Variants in KIF15 observed in about 807,000 individuals in gnomAD.
KIF15 encodes the protein kinesin family member 15.
KIF15 carries 140 observed loss-of-function variants against 190.6 expected under a neutral mutation model. The observed-to-expected ratio is 0.73, with a 90% CI of 0.64 to 0.84. The LOEUF is 0.84. Ranked by LOEUF, KIF15 falls within the 40% of genes least tolerant of loss-of-function variation. The pLI, the probability that KIF15 is intolerant of heterozygous loss-of-function variation, is 0.00. For synonymous variants in KIF15, 528 were observed against 551.3 expected (o/e 0.96, Z 0.59); for missense variants, 1,372 against 1,584.4 (o/e 0.87, Z 2.28).
intron 26 of KIF15, among the ~76,000 whole-genome samples, chr3:44,835,937 G>A (rs1483992980): frequency 6.6e-6 from 1 of 152,204 alleles, no homozygotes; most frequent in African/African-American, 2.4e-5. Flanking sequence ...AGCCAGGCAT[G>A]GTAATGCACG....
downstream of KIF15, among the ~76,000 whole-genome samples, chr3:44,856,099 G>C (rs559922105): frequency 6.6e-6 from 1 of 151,804 alleles, no homozygotes; most frequent in South Asian, 2.1e-4. Flanking sequence ...ACTGTATAGA[G>C]GTGGGAAGCC....
At chr3:44,770,086 G>C (rs1705577659) in intron 1 of KIF15, among the ~76,000 whole-genome samples, 1 of 152,152 alleles carries the variant, frequency 6.6e-6, no homozygotes, top group Non-Finnish European at 1.5e-5. Context: ...TGGATCACAG[G>C]CATAAGCAGG....
At chr3:44,778,730 G>C (rs1706015178) in intron 4 of KIF15, among the ~76,000 whole-genome samples, 1 of 152,006 alleles carries the variant, frequency 6.6e-6, no homozygotes, top group South Asian at 2.1e-4. Context: ...TGTAATCCTA[G>C]CACTTTGGGA....
chr3:44,779,284 C>A (rs1445936802), intron 4 of KIF15, among the ~76,000 whole-genome samples: 2 of 152,154 alleles, frequency 1.3e-5, no homozygotes, highest in Admixed American at 1.3e-4. Context: ...CGCCTAGAAT[C>A]AGCCATTTCA....
chr3:44,829,374 A>ATGTGTG (rs547572565), intron 24 of KIF15, among the ~76,000 whole-genome samples: 20 of 136,846 alleles, frequency 1.5e-4, no homozygotes, highest in Admixed American at 6.4e-4. Flanking sequence ...ATATATATAT[A>ATGTGTG]TGTGTGTGTG....
chr3:44,765,949 C>A (rs966058006), intron 1 of KIF15: 5 of 157,276 alleles, frequency 3.2e-5, no homozygotes, highest in African/African-American at 4.8e-5. Flanking sequence ...TCTCCTGCCT[C>A]AGCCTCCCAA....
At chr3:44,767,020 C>T (rs1705416756) in intron 1 of KIF15, among the ~76,000 whole-genome samples, 3 of 152,022 alleles carry the variant, frequency 2.0e-5, no homozygotes, top group African/African-American at 7.3e-5. Flanking sequence ...CCGTGTTAGC[C>T]AGGGTGGTCT....
chr3:44,833,866 G>T (rs554527704), intron 26 of KIF15, among the ~76,000 whole-genome samples: 1 of 152,320 alleles, frequency 6.6e-6, no homozygotes, highest in South Asian at 2.1e-4. Context: ...TTAGTACACA[G>T]AAGCCACAAC....
intron 26 of KIF15, among the ~76,000 whole-genome samples, chr3:44,836,819 T>C (rs1162409728): frequency 1.3e-5 from 2 of 152,206 alleles, no homozygotes; most frequent in Non-Finnish European, 2.9e-5. Flanking sequence ...TCCTTCTCCC[T>C]GACTGACTAA....
At chr3:44,847,268 A>G (rs1698889428) in intron 30 of KIF15, among the ~76,000 whole-genome samples, 2 of 152,208 alleles carry the variant, frequency 1.3e-5, no homozygotes, top group Admixed American at 6.5e-5. Context: ...AGAGAAGCCT[A>G]CAACATTCAG....
At position 44,778,150 on chromosome 3, in the gene KIF15, GGA is replaced by G; in HGVS notation, c.284_285del (p.Glu95ValfsTer7). 6.2e-7 allele frequency: 1 copy of G among 1,614,014 alleles called. No individual in the cohort carries two copies. Among genetic ancestry groups the G allele is most frequent in the Non-Finnish European group, 8.5e-7 (1 of 1,179,868 alleles). On this transcript the variant is annotated frameshift_variant, in exon 4 of 35. Coordinates refer to ENST00000326047, the MANE Select transcript of KIF15 (RefSeq NM_020242.3). LOFTEE classifies it high-confidence loss of function. ...VFATVAKSIV[E>X]SCMSGYNGTI... ...TCGCAACTGTGGCTAAAAGCATTGT[GGA>G]GTCTTGCATGAGCGGTTATAATGGT...
chr3:44,773,595 C>G (rs943549378), intron 1 of KIF15, among the ~76,000 whole-genome samples: 1 of 152,144 alleles, frequency 6.6e-6, no homozygotes, highest in Non-Finnish European at 1.5e-5. Flanking sequence ...CACAGAAAGG[C>G]TGGGTTGGAA....
At chr3:44,774,899 A>G (rs1705802105) in intron 2 of KIF15, among the ~76,000 whole-genome samples, 1 of 152,170 alleles carries the variant, frequency 6.6e-6, no homozygotes, top group Non-Finnish European at 1.5e-5. Flanking sequence ...CAGGAGTTCA[A>G]GATCAGCCTG....
rs751768638 is a variant in KIF15 at position 44,786,523 on chromosome 3, T to G, written c.588T>G (p.Phe196Leu). The G allele has an allele frequency of 4.3e-6, 7 of 1,613,224 alleles. No individual in the cohort carries two copies. Among genetic ancestry groups the G allele is most frequent in the South Asian group, 2.2e-5 (2 of 90,946 alleles). Residue 196 changes from phenylalanine (F) to leucine (L), a missense_variant, in exon 7 of 35, where the codon TTT becomes TTG. Coordinates refer to ENST00000326047, the MANE Select transcript of KIF15 (RefSeq NM_020242.3). ...YLREHIKKGV[F>L]VVGAVEQVVT... ...GGGAGCATATCAAGAAGGGAGTCTT[T>G]GTTGTTGGTGCGGTGGAGCAGGTGG...
Position 44,843,201 on chromosome 3 carries a change from A to G in KIF15, c.3662A>G (p.Gln1221Arg), listed in dbSNP as rs1359069943. ...GAGAAAAACTGGCTCCTGCAAGGTC[A>G]GCTGGATGATATTAAAAGACAAAAG... ...LIEKNWLLQG[Q>R]LDDIKRQKEN... The change falls in exon 30 of 35, where the codon CAG becomes CGG. Residue 1221 changes from glutamine to arginine, a missense_variant. Gln to Arg is a conservative substitution (Grantham distance 43). Coordinates refer to ENST00000326047, the MANE Select transcript of KIF15 (RefSeq NM_020242.3). The G allele has an allele frequency of 2.5e-6, 4 of 1,613,548 alleles. No individual in the cohort carries two copies. In the East Asian group the frequency reaches 6.7e-5, roughly 27 times the overall value.
chr3:44,867,826 T>G (rs561457374), intron 6 of KIF15, among the ~76,000 whole-genome samples: 2 of 152,250 alleles, frequency 1.3e-5, no homozygotes, highest in East Asian at 3.8e-4. Flanking sequence ...GGTTTATTGA[T>G]AAGAATAAAC....
At chr3:44,774,845 A>G (rs956199816) in intron 2 of KIF15, among the ~76,000 whole-genome samples, 8 of 152,208 alleles carry the variant, frequency 5.3e-5, no homozygotes, top group African/African-American at 1.9e-4. Flanking sequence ...CACGCCAGTA[A>G]TCCCAGCACT....
At chr3:44,790,695 C>CTTTTT (rs56414094) in intron 7 of KIF15, among the ~76,000 whole-genome samples, 112 of 97,900 alleles carry the variant, frequency 1.1e-3, no homozygotes, top group African/African-American at 2.1e-3. Flanking sequence ...TTTTCTGTTT[C>CTTTTT]TTTTTTTTTT....
At chr3:44,801,292 A>G (rs952958272) in intron 11 of KIF15, among the ~76,000 whole-genome samples, 158 bp from the exon 12 acceptor site, 6 of 151,768 alleles carry the variant, frequency 4.0e-5, no homozygotes, top group Non-Finnish European at 8.8e-5. Context: ...TCAGCCTCCT[A>G]AAGTGCTGGG....
Sources: allele counts gnomAD v4.1 joint callset (sites outside exome capture counted in the v4.1 genomes callset), GRCh38; gene constraint gnomAD v4.1.1; transcripts MANE v1.5; gene names NCBI Gene and HGNC (gene_info 2026-07-23, HGNC 2026-07-21).